TTLL11: variants seen among roughly 807,000 people sequenced by gnomAD.
TTLL11 encodes tubulin tyrosine ligase like 11.
In TTLL11, 42 loss-of-function variants were observed where a neutral mutation model predicts 51.7. That is an observed-to-expected ratio of 0.81 (90% CI 0.64 to 1.05). TTLL11 has a LOEUF of 1.05. Among genes scored for constraint, TTLL11 ranks in the 50% least tolerant of loss-of-function variants. The pLI is 0.00. For synonymous variants in TTLL11, 381 were observed against 383.5 expected (o/e 0.99, Z 0.08); for missense variants, 799 against 940.4 (o/e 0.85, Z 1.97).
intron 6 of TTLL11, among the ~76,000 whole-genome samples, chr9:121,873,382 C>CT (rs71370697): frequency 0.061 from 6,736 of 110,488 alleles, 266 homozygotes; most frequent in African/African-American, 0.11. Context: ...TCTTCTTCTC[C>CT]TTTTTTTTTT....
intron 1 of TTLL11, among the ~76,000 whole-genome samples, chr9:122,054,930 A>G (rs1223982001): frequency 6.6e-6 from 1 of 152,178 alleles, no homozygotes; most frequent in Non-Finnish European, 1.5e-5. Flanking sequence ...GACTTCTCTT[A>G]GGGCAGCTTT....
intron 3 of TTLL11, among the ~76,000 whole-genome samples, chr9:122,012,280 T>C (rs1347222614): frequency 6.6e-6 from 1 of 152,156 alleles, no homozygotes; most frequent in Non-Finnish European, 1.5e-5. Context: ...CTAAGAACTT[T>C]TGCAAAATGA....
chr9:121,892,132 T>G (rs1839264715), intron 6 of TTLL11, among the ~76,000 whole-genome samples: 2 of 72,986 alleles, frequency 2.7e-5, no homozygotes, highest in East Asian at 4.7e-4. Context: ...CCTTCTACCT[T>G]TATATATATA....
intron 8 of TTLL11, among the ~76,000 whole-genome samples, chr9:121,835,436 A>ATTTC (rs1837156883): frequency 6.6e-6 from 1 of 152,146 alleles, no homozygotes; most frequent in South Asian, 2.1e-4. Context: ...ATCTCAAGGA[A>ATTTC]AAAAGCCTTG....
rs556654518 is a variant in TTLL11 at position 121,841,797 on chromosome 9, GC to G, written c.1840+18539del. Among the ~76,000 whole-genome samples, 264 of 152,174 alleles carry G rather than the reference GC, an allele frequency of 1.7e-3. 1 individual carries two copies. Among genetic ancestry groups the G allele is most frequent in the Non-Finnish European group, 3.1e-3 (212 of 68,006 alleles). On this transcript the variant is annotated intron_variant, in intron 8 of 8. Transcript: ENST00000321582. ...TCAGGTTGTCTAGCAGCAGCCGTCG[GC>G]TTGACCCACTAGATGCCAGTATAGC...
chr9:121,980,943 A>G (rs1347076867), intron 4 of TTLL11, among the ~76,000 whole-genome samples: 1 of 152,172 alleles, frequency 6.6e-6, no homozygotes, highest in Non-Finnish European at 1.5e-5. Flanking sequence ...AACATAGTGT[A>G]TCTTTTCTTT....
chr9:122,021,023 A>G (rs531294967), intron 3 of TTLL11, among the ~76,000 whole-genome samples: 3 of 152,398 alleles, frequency 2.0e-5, no homozygotes, highest in African/African-American at 7.2e-5. Context: ...ATTCTTTTAG[A>G]GAACTTCCAC....
intron 6 of TTLL11, among the ~76,000 whole-genome samples, chr9:121,935,844 T>C (rs1354965321): frequency 6.6e-6 from 1 of 152,118 alleles, no homozygotes; most frequent in East Asian, 1.9e-4. Context: ...CTCAGGGAAA[T>C]GATGCGTGTC....
intron 1 of TTLL11, among the ~76,000 whole-genome samples, chr9:122,082,587 A>C (rs1171258285): frequency 6.6e-6 from 1 of 152,106 alleles, no homozygotes; most frequent in Non-Finnish European, 1.5e-5. Flanking sequence ...TAGAAACAAC[A>C]TCCGTCAATA....
chr9:121,846,701 AT>A (rs1481869714), intron 8 of TTLL11, among the ~76,000 whole-genome samples: 1 of 152,218 alleles, frequency 6.6e-6, no homozygotes, highest in African/African-American at 2.4e-5. Context: ...GTCCAAAAAA[AT>A]CTCAAAAGAT....
In TTLL11 at chr9:121,973,226, G is replaced by A. The variant is rs114252338; in HGVS notation, c.1481+783C>T. ...ATGTAATGTACCACTGAGTGGGTGG[G>A]GACGAAGCAGAATTACAAGTGTTGT... On this transcript the variant is annotated intron_variant, in intron 6 of 8. Transcript: ENST00000321582. Among the ~76,000 whole-genome samples, 532 of 152,286 alleles carry A rather than the reference G, an allele frequency of 3.5e-3. 3 individuals carry two copies. The highest frequency in any genetic ancestry group is 9.1e-3 in the African/African-American group (379 of 41,548).
At chr9:121,985,224 T>C (rs971189216) in intron 4 of TTLL11, among the ~76,000 whole-genome samples, 2 of 152,216 alleles carry the variant, frequency 1.3e-5, no homozygotes, top group Non-Finnish European at 2.9e-5. Flanking sequence ...AAAGAAGTCA[T>C]GTGTTCTATC....
intron 4 of TTLL11, among the ~76,000 whole-genome samples, chr9:121,984,620 G>A (rs1842903061): frequency 6.6e-6 from 1 of 152,056 alleles, no homozygotes; most frequent in African/African-American, 2.4e-5. Context: ...CTTCCCTTGG[G>A]GTGACTGGCT....
At chr9:121,914,293 C>A (rs1840245576) in intron 6 of TTLL11, among the ~76,000 whole-genome samples, 1 of 152,176 alleles carries the variant, frequency 6.6e-6, no homozygotes, top group Admixed American at 6.5e-5. Flanking sequence ...GCAGAGATAG[C>A]CTGGCAGGCA....
chr9:121,930,426 A>C (rs965477171), intron 6 of TTLL11, among the ~76,000 whole-genome samples: 4 of 152,208 alleles, frequency 2.6e-5, no homozygotes, highest in African/African-American at 9.6e-5. Context: ...ATAGATACAA[A>C]TTGGTTCATT....
At chr9:121,866,983 G>A (rs1480595495) in intron 7 of TTLL11, among the ~76,000 whole-genome samples, 2 of 152,182 alleles carry the variant, frequency 1.3e-5, no homozygotes. Context: ...GAGCAAAAGG[G>A]TGAAAAATCA....
chr9:121,989,088 C>G lies in TTLL11; in HGVS notation c.1269+107G>C. On this transcript the variant is annotated intron_variant, in intron 4 of 8. Transcript: ENST00000321582. The surrounding 1 kb of genome is among the most constrained non-coding windows in gnomAD (Gnocchi z 4.2). ...AGCCCACAGCACCACCAACACTGTCCCCTCCTCTGGCCATCCCACCCCGAT... is the reference window on the plus strand; with the variant it reads ...AGCCCACAGCACCACCAACACTGTCGCCTCCTCTGGCCATCCCACCCCGAT... The G allele has an allele frequency of 6.5e-7, 1 of 1,537,028 alleles. No individual in the cohort carries two copies. Among genetic ancestry groups the G allele is most frequent in the East Asian group, 2.3e-5 (1 of 44,168 alleles).
In TTLL11 at chr9:121,963,983, G is replaced by A. The variant is rs533773756; in HGVS notation, c.1481+10026C>T. Among the ~76,000 whole-genome samples the A allele has an allele frequency of 7.2e-5, 11 of 152,160 alleles. No homozygotes were observed. In the East Asian group the frequency reaches 2.1e-3, roughly 29 times the overall value. On this transcript the variant is annotated intron_variant, in intron 6 of 8. Coordinates refer to ENST00000321582, the MANE Select transcript of TTLL11 (RefSeq NM_001139442.2). ...GTTGTGGCTTTTTATAGCCTCCAAC[G>A]ATAATAGGATGACAGTTCGGTTCTT...
chr9:122,017,745 G>A (rs1275779270), intron 3 of TTLL11, among the ~76,000 whole-genome samples: 2 of 152,156 alleles, frequency 1.3e-5, no homozygotes, highest in African/African-American at 4.8e-5. Context: ...ACAGGCGTGA[G>A]CCACCGTGCC....
Sources: allele counts gnomAD v4.1 joint callset (sites outside exome capture counted in the v4.1 genomes callset), GRCh38; gene constraint gnomAD v4.1.1; non-coding constraint Gnocchi (gnomAD v3.1); transcripts MANE v1.5; gene names NCBI Gene and HGNC (gene_info 2026-07-23, HGNC 2026-07-21).